Variants in IFFO2 observed in about 807,000 individuals in gnomAD.
The protein encoded by IFFO2 is intermediate filament family orphan 2.
Under a neutral mutation model 53.5 loss-of-function variants are expected in IFFO2, and 19 were observed. The ratio of observed to expected loss-of-function variants is 0.36; its 90% CI spans 0.25 to 0.52. The LOEUF (loss-of-function observed/expected upper bound fraction) is 0.52. Among genes scored for constraint, IFFO2 ranks in the 20% least tolerant of loss-of-function variants. The pLI is 0.94. For synonymous variants in IFFO2, 303 were observed against 313.6 expected (o/e 0.97, Z 0.36); for missense variants, 570 against 727.4 (o/e 0.78, Z 2.49).
chr1:18,911,135 T>A (rs758693303), intron 7 of IFFO2, among the ~76,000 whole-genome samples: 4 of 152,110 alleles, frequency 2.6e-5, no homozygotes, highest in Non-Finnish European at 4.4e-5. Context: ...TATTATGGGA[T>A]CATCTCAGCT....
Position 18,911,459 on chromosome 1 carries a change from G to A in IFFO2, c.1242C>T (p.Gly414=). Residue 414 remains glycine, a synonymous_variant, in exon 7 of 9, where the codon GGC becomes GGT. Transcript: ENST00000455833. The part of the protein sequence containing the change: ...DLQGEQEENL[G]NLIHETESFF... ...AGGATTCGGTCTCATGGATCAAGTT[G>A]CCCAAGTTTTCCTCTTGCTGGGGAA... 1 of 1,507,702 alleles carries A rather than the reference G, an allele frequency of 6.6e-7. No individual in the cohort carries two copies. Among genetic ancestry groups the A allele is most frequent in the South Asian group, 1.3e-5 (1 of 75,450 alleles). The allele number at this position is 1,507,702 out of a possible 1,614,324, so 93.4% of individuals were successfully genotyped here.
At chr1:18,939,400 A>G (rs564691836) in intron 1 of IFFO2, among the ~76,000 whole-genome samples, 22 of 152,310 alleles carry the variant, frequency 1.4e-4, no homozygotes, top group Admixed American at 1.4e-3. Context: ...AGGACACCCA[A>G]CTCGGACAGG....
intron 1 of IFFO2, among the ~76,000 whole-genome samples, chr1:18,948,660 T>C (rs1475148194): frequency 1.3e-5 from 2 of 152,192 alleles, no homozygotes; most frequent in African/African-American, 4.8e-5. Context: ...CAGTCTCCCA[T>C]CTGGCCTGGA....
chr1:18,935,402 A>G (rs72645642), intron 1 of IFFO2, among the ~76,000 whole-genome samples: 15,692 of 150,894 alleles, frequency 0.1, 1,002 homozygotes, highest in African/African-American at 0.17. Context: ...GCATCCCCCC[A>G]ACACCTCCAG....
At chr1:18,940,562 CGGATGGAT>C (rs142740984) in intron 1 of IFFO2, among the ~76,000 whole-genome samples, 19,431 of 148,310 alleles carry the variant, frequency 0.13, 1,472 homozygotes, top group African/African-American at 0.2. Context: ...GATGGACAAA[CGGATGGAT>C]GGATGGATGG....
chr1:18,933,699 A>G (rs1180324698), intron 1 of IFFO2, among the ~76,000 whole-genome samples: 3 of 152,208 alleles, frequency 2.0e-5, no homozygotes, highest in African/African-American at 7.2e-5. Context: ...TCAAGGCTGC[A>G]GTGAGCCAAG....
At position 18,934,658 on chromosome 1, in the gene IFFO2, G is replaced by C. The variant is rs537628438; in HGVS notation, c.666-13537C>G. Among the ~76,000 whole-genome samples the C allele has an allele frequency of 3.3e-5, 5 of 152,272 alleles. No homozygotes were observed. The South Asian group carries it at 8.3e-4, about 25-fold the overall frequency. ...CACCCAAATGAATCCCCCTCCCTGA[G>C]AGAATTACGGTTAACATCGGCTCTA... On this transcript the variant is annotated intron_variant, in intron 1 of 8. Transcript: ENST00000455833.
intron 1 of IFFO2, among the ~76,000 whole-genome samples, chr1:18,930,776 C>G (rs768599898): frequency 6.6e-6 from 1 of 152,234 alleles, no homozygotes; most frequent in Admixed American, 6.5e-5. Flanking sequence ...CAATGCCAAT[C>G]TGAGGTTTCA....
At chr1:18,911,847 A>G in intron 6 of IFFO2, 116 bp downstream of exon 6, 4 of 1,330,842 alleles carry the variant, frequency 3.0e-6, no homozygotes, top group Non-Finnish European at 4.1e-6. Context: ...CCCAAAGGGG[A>G]CAGTTTAGCT....
chr1:18,946,430 TTTG>T, intron 1 of IFFO2, among the ~76,000 whole-genome samples: 1 of 147,770 alleles, frequency 6.8e-6, no homozygotes, highest in African/African-American at 2.5e-5. Context: ...TTTTTTTTTT[TTTG>T]AGATGGAGGC....
At position 18,908,483 on chromosome 1, in the gene IFFO2, G is replaced by A. The variant is rs886315182; in HGVS notation, c.*78C>T. Reference sequence around the variant, plus strand: ...GTGGTGTGGCTTCGAACCCCACTCCGAGGGGCCTTCCTGGCCCCATGAGGA... The same window carrying A: ...GTGGTGTGGCTTCGAACCCCACTCCAAGGGGCCTTCCTGGCCCCATGAGGA... On this transcript the variant is annotated 3_prime_UTR_variant, in exon 9 of 9. Transcript: ENST00000455833. The A allele has an allele frequency of 1.2e-4, 132 of 1,076,888 alleles. No homozygotes were observed. The highest frequency in any genetic ancestry group is 2.1e-4 in the Middle Eastern group (1 of 4,682). The allele number at this position is 1,076,888 out of a possible 1,614,324, so 66.7% of individuals were successfully genotyped here.
At chr1:18,923,012 C>T (rs866915522) in intron 1 of IFFO2, among the ~76,000 whole-genome samples, 6 of 152,140 alleles carry the variant, frequency 3.9e-5, no homozygotes, top group African/African-American at 9.7e-5. Flanking sequence ...GCACAGGTCC[C>T]GAGCTGAATC....
At chr1:18,931,973 G>T (rs979368716) in intron 1 of IFFO2, among the ~76,000 whole-genome samples, 2 of 152,204 alleles carry the variant, frequency 1.3e-5, no homozygotes, top group South Asian at 4.1e-4. Flanking sequence ...ATTTCTCAGC[G>T]CCAGAGAACC....
intron 5 of IFFO2, among the ~76,000 whole-genome samples, chr1:18,913,430 G>A (rs913609482): frequency 6.6e-6 from 1 of 152,378 alleles, no homozygotes; most frequent in East Asian, 1.9e-4. Context: ...CCCCAGCCGA[G>A]GGACAGGAAG....
At chr1:18,910,524 G>C (rs947148057) in intron 7 of IFFO2, 52 bp from the exon 8 acceptor site, 2 of 1,562,896 alleles carry the variant, frequency 1.3e-6, no homozygotes, top group Non-Finnish European at 1.7e-6. Flanking sequence ...CCTCGTGACA[G>C]AAGCCTCGGC....
rs1936163461 is a variant in IFFO2 at position 18,918,223 on chromosome 1, G to A, written c.963+139C>T. 1 of 772,076 alleles carries A rather than the reference G, an allele frequency of 1.3e-6. No homozygotes were observed. Among genetic ancestry groups the A allele is most frequent in the Middle Eastern group, 3.7e-4 (1 of 2,708 alleles). The allele number at this position is 772,076 out of a possible 1,614,324, so 47.8% of individuals were successfully genotyped here. ...TACGTTTTCCTGGGGAGGCCACAGGGTCAGGTAGTGCTACCTCTCGGGGAA... is the reference window on the plus strand; with the variant it reads ...TACGTTTTCCTGGGGAGGCCACAGGATCAGGTAGTGCTACCTCTCGGGGAA... On this transcript the variant is annotated intron_variant, in intron 4 of 8. Coordinates refer to ENST00000455833, the MANE Select transcript of IFFO2 (RefSeq NM_001136265.2). This position sits in a 1 kb window ranked among gnomAD's most constrained non-coding sequence, Gnocchi z 5.2.
At chr1:18,921,229 G>A in intron 1 of IFFO2, 108 bp from the exon 2 acceptor site, 1 of 999,724 alleles carries the variant, frequency 1.0e-6, no homozygotes, top group Non-Finnish European at 1.5e-6. Flanking sequence ...AGCTGGGCAA[G>A]GAAGGTGCAT....
In IFFO2 at chr1:18,916,572, C is replaced by T. The variant is rs1215167784; in HGVS notation, c.1103+331G>A. On this transcript the variant is annotated intron_variant, in intron 5 of 8. Coordinates refer to ENST00000455833, the MANE Select transcript of IFFO2 (RefSeq NM_001136265.2). This position sits in a 1 kb window ranked among gnomAD's most constrained non-coding sequence, Gnocchi z 4.3. Reference sequence around the variant, plus strand: ...CTTGAGCTCAGGAATTTGAGACCAGCCTGGGCAACACAGTGAGACCCTGTC... The same window carrying T: ...CTTGAGCTCAGGAATTTGAGACCAGTCTGGGCAACACAGTGAGACCCTGTC... 6.6e-6 allele frequency among the ~76,000 whole-genome samples: 1 copy of T among 152,156 alleles called. No homozygotes were observed. Among genetic ancestry groups the T allele is most frequent in the Non-Finnish European group, 1.5e-5 (1 of 68,026 alleles).
chr1:18,946,896 AAAT>A (rs1197907069), intron 1 of IFFO2, among the ~76,000 whole-genome samples: 1 of 152,262 alleles, frequency 6.6e-6, no homozygotes, highest in Non-Finnish European at 1.5e-5. Context: ...AATGTTGTAT[AAAT>A]ATTTAATGAA....
Sources: gnomAD v4.1 joint callset for allele counts (sites outside exome capture counted in the v4.1 genomes callset) on GRCh38, gnomAD v4.1.1 for gene constraint, Gnocchi (gnomAD v3.1) non-coding constraint, MANE v1.5 for transcripts, NCBI Gene and HGNC (gene_info 2026-07-23, HGNC 2026-07-21) for gene names.